DLG1: variants seen among roughly 807,000 people sequenced by gnomAD.
DLG1 encodes the protein disks large homolog 1.
In DLG1, 42 loss-of-function variants were observed where a neutral mutation model predicts 123.4. The ratio of observed to expected loss-of-function variants is 0.34; its 90% CI spans 0.27 to 0.44. The LOEUF is 0.44. Ranked by LOEUF, DLG1 falls within the 20% of genes least tolerant of loss-of-function variation. The pLI is 1.00. For missense variants in DLG1, 942 were observed against 1,082.6 expected (o/e 0.87, Z 1.82); for synonymous variants, 317 against 356.2 (o/e 0.89, Z 1.24).
chr3:197,091,373 AT>A lies in DLG1; in HGVS notation c.1547-348del, dbSNP rs149795996. Among the ~76,000 whole-genome samples the A allele has an allele frequency of 6.0e-3, 908 of 152,036 alleles. 5 individuals carry two copies. Among genetic ancestry groups the A allele is most frequent in the South Asian group, 0.021 (103 of 4,820 alleles). The stretch of plus-strand genomic sequence containing the variant: ...ATTTTAAAAATCAGGATTTATTCTA[AT>A]TTTTATATTAAGGAAGAAACCTATA... On this transcript the variant is annotated intron_variant, in intron 14 of 24. Coordinates refer to ENST00000667157, the MANE Select transcript of DLG1 (RefSeq NM_001366207.1).
intron 4 of DLG1, among the ~76,000 whole-genome samples, chr3:197,220,770 A>G (rs1561525758): frequency 6.6e-6 from 1 of 152,210 alleles, no homozygotes; most frequent in African/African-American, 2.4e-5. Flanking sequence ...TGGAGAAACC[A>G]TGAAGTCAAT....
chr3:197,144,156 C>T (rs976443339), intron 6 of DLG1, among the ~76,000 whole-genome samples: 1 of 152,190 alleles, frequency 6.6e-6, no homozygotes, highest in Non-Finnish European at 1.5e-5. Context: ...TCAATTAGAT[C>T]TAGGCAAGCC....
chr3:197,233,817 G>C (rs1360406941), intron 4 of DLG1, among the ~76,000 whole-genome samples: 1 of 152,228 alleles, frequency 6.6e-6, no homozygotes, highest in Non-Finnish European at 1.5e-5. Context: ...ACCGTGCCCA[G>C]CCTTAAAGGT....
chr3:197,273,220 G>GTATA (rs561197409), intron 4 of DLG1, among the ~76,000 whole-genome samples: 1 of 144,770 alleles, frequency 6.9e-6, no homozygotes, highest in South Asian at 2.1e-4. Context: ...GTATGTGTGT[G>GTATA]TATATATATA....
At position 197,075,790 on chromosome 3, in the gene DLG1, T is replaced by C. The variant is rs758037207; in HGVS notation, c.2005+796A>G. Reference sequence around the variant, plus strand: ...AAAATGTATCTGAATAAGGTAGGTCTGCAGATGGAGGTTAAAAAATAACTT... The same window carrying C: ...AAAATGTATCTGAATAAGGTAGGTCCGCAGATGGAGGTTAAAAAATAACTT... On this transcript the variant is annotated intron_variant, in intron 18 of 24. Coordinates refer to ENST00000667157, the MANE Select transcript of DLG1 (RefSeq NM_001366207.1). The C allele has an allele frequency of 3.2e-6, 5 of 1,567,022 alleles. No individual in the cohort carries two copies. In the South Asian group the frequency reaches 5.6e-5, roughly 17 times the overall value.
Position 197,137,430 on chromosome 3 carries a change from A to G in DLG1, c.884-752T>C, listed in dbSNP as rs568749451. 3.3e-5 allele frequency among the ~76,000 whole-genome samples: 5 copies of G among 152,334 alleles called. No individual in the cohort carries two copies. In the East Asian group the frequency reaches 7.7e-4, roughly 24 times the overall value. ...TAGATTATCACAAGTTAATAGCAATACTAAACTTCAAAGTGTTCAAGGACA... is the reference window on the plus strand; with the variant it reads ...TAGATTATCACAAGTTAATAGCAATGCTAAACTTCAAAGTGTTCAAGGACA... On this transcript the variant is annotated intron_variant, in intron 9 of 24. Coordinates refer to ENST00000667157, the MANE Select transcript of DLG1 (RefSeq NM_001366207.1).
At chr3:197,224,825 G>C (rs1036084027) in intron 4 of DLG1, among the ~76,000 whole-genome samples, 2 of 152,068 alleles carry the variant, frequency 1.3e-5, no homozygotes, top group African/African-American at 4.8e-5. Context: ...CAATTGAAAA[G>C]TTTCAGTCAT....
In DLG1 at chr3:197,163,687, A is replaced by ATTTTTT. The variant is rs56865627; in HGVS notation, c.484-13897_484-13892dup. Among the ~76,000 whole-genome samples, 646 of 101,368 alleles carry ATTTTTT rather than the reference A, an allele frequency of 6.4e-3. 1 individual carries two copies. The highest frequency in any genetic ancestry group is 0.014 in the East Asian group (49 of 3,456). The allele number at this position is 101,368 out of a possible 152,430, so 66.5% of individuals were successfully genotyped here. On this transcript the variant is annotated intron_variant, in intron 5 of 24. Transcript: ENST00000667157. ...CAGGCACCTGCCACCATGCTCAGCT[A>ATTTTTT]TTTTTTTTTTTTTTTTTTTTTTTGT...
At chr3:197,259,442 C>G (rs1437014897) in intron 4 of DLG1, among the ~76,000 whole-genome samples, 1 of 152,084 alleles carries the variant, frequency 6.6e-6, no homozygotes, top group African/African-American at 2.4e-5. Context: ...AGAGTAATAG[C>G]CTCTACTTTC....
chr3:197,127,496 A>AT (rs1780315026), intron 11 of DLG1, among the ~76,000 whole-genome samples: 1 of 123,900 alleles, frequency 8.1e-6, no homozygotes, highest in Non-Finnish European at 1.7e-5. Flanking sequence ...ATATATATAT[A>AT]AAGTAAGAAA....
rs767778999 is a variant in DLG1, at chr3:197,119,444, A to G, written c.1252T>C (p.Ser418Pro). 1.9e-6 allele frequency: 3 copies of G among 1,610,608 alleles called. No homozygotes were observed. Among genetic ancestry groups the G allele is most frequent in the Non-Finnish European group, 2.5e-6 (3 of 1,177,538 alleles). The change falls in exon 12 of 25, where the codon TCT becomes CCT. Residue 418 changes from serine (S) to proline (P), a missense_variant. Transcript: ENST00000667157. Reference sequence around the variant, plus strand: ...TCATCATCTCCAAGTACTGCTTTAGAAACTGGGGAGTATCTGGCTGGAGAT... The same window carrying G: ...TCATCATCTCCAAGTACTGCTTTAGGAACTGGGGAGTATCTGGCTGGAGAT... Reference protein sequence around the residue: ...PASPARYSPVSKAVLGDDEIT... With the variant: ...PASPARYSPVPKAVLGDDEIT...
chr3:197,273,448 G>C (rs576309880), intron 4 of DLG1, among the ~76,000 whole-genome samples: 278 of 151,990 alleles, frequency 1.8e-3, no homozygotes, highest in Non-Finnish European at 3.4e-3. Context: ...ATGTTGGCCA[G>C]GCTGGTTTCG....
intron 24 of DLG1, 87 bp from the exon 25 acceptor site, chr3:197,044,816 T>G: frequency 1.3e-6 from 1 of 773,620 alleles, no homozygotes; most frequent in Non-Finnish European, 2.0e-6. Flanking sequence ...GAAGCTAGTA[T>G]CTTTGAAAAA....
chr3:197,178,899 T>C (rs1808578820), intron 5 of DLG1, among the ~76,000 whole-genome samples: 1 of 152,084 alleles, frequency 6.6e-6, no homozygotes, highest in African/African-American at 2.4e-5. Flanking sequence ...GTGTACATCC[T>C]GATAGGACTT....
intron 18 of DLG1, among the ~76,000 whole-genome samples, chr3:197,071,301 TAAAC>T (rs1272646489): frequency 6.6e-6 from 1 of 152,142 alleles, no homozygotes; most frequent in Non-Finnish European, 1.5e-5. Context: ...GAAAGCTGGA[TAAAC>T]AAATACCTGC....
intron 20 of DLG1, 95 bp from the exon 21 acceptor site, chr3:197,065,904 T>C: frequency 1.3e-6 from 1 of 763,994 alleles, no homozygotes; most frequent in Non-Finnish European, 2.1e-6. Flanking sequence ...TTAACTGTTA[T>C]GACTAATTTT....
intron 4 of DLG1, among the ~76,000 whole-genome samples, chr3:197,268,026 T>A (rs549378042): frequency 1.3e-5 from 2 of 152,206 alleles, no homozygotes; most frequent in African/African-American, 4.8e-5. Context: ...TTCTCTGATA[T>A]GACTTTCACA....
At chr3:197,280,606 T>C (rs1768836289) in intron 4 of DLG1, among the ~76,000 whole-genome samples, 1 of 152,204 alleles carries the variant, frequency 6.6e-6, no homozygotes, top group Non-Finnish European at 1.5e-5. Flanking sequence ...TTTCCACCAA[T>C]AATGTCAAAT....
At chr3:197,047,538 G>GA (rs1352909998) in intron 24 of DLG1, among the ~76,000 whole-genome samples, 5 of 122,926 alleles carry the variant, frequency 4.1e-5, no homozygotes, top group African/African-American at 2.1e-4. Context: ...AAGACTTGAG[G>GA]AGGAAGTTAA....
Sources: allele counts gnomAD v4.1 joint callset (sites outside exome capture counted in the v4.1 genomes callset), GRCh38; gene constraint gnomAD v4.1.1; transcripts MANE v1.5; gene names NCBI Gene and HGNC (gene_info 2026-07-23, HGNC 2026-07-21).